Variants in TADA2B observed in about 807,000 individuals in gnomAD.
TADA2B encodes the protein transcriptional adaptor 2B, also known as transcriptional adapter 2-beta.
In TADA2B, 13 loss-of-function variants were observed where a neutral mutation model predicts 34.5. The observed-to-expected ratio is 0.38, with a 90% CI of 0.25 to 0.60. The LOEUF is 0.60. TADA2B is among the 20% of genes least tolerant of loss of function. The pLI is 0.65. For synonymous variants in TADA2B, 240 were observed against 243.4 expected (o/e 0.99, Z 0.13); for missense variants, 442 against 575.0 (o/e 0.77, Z 2.37).
chr4:7,057,894 A>G lies in TADA2B; in HGVS notation c.*2840A>G, dbSNP rs1000716781. 1 of 74,884 alleles carries G rather than the reference A, an allele frequency of 1.3e-5. No homozygotes were observed. The highest frequency in any genetic ancestry group is 3.3e-5 in the African/African-American group (1 of 30,582). The allele number at this position is 74,884 out of a possible 1,614,324, so 4.6% of individuals were successfully genotyped here. ...AACATCCCAAGAATGTATTAAAAACAGCAACCCTGCCTACCGTTTTGATGA... is the reference window on the plus strand; with the variant it reads ...AACATCCCAAGAATGTATTAAAAACGGCAACCCTGCCTACCGTTTTGATGA... On this transcript the variant is annotated 3_prime_UTR_variant, in exon 2 of 2. Coordinates refer to ENST00000310074, the MANE Select transcript of TADA2B (RefSeq NM_152293.3).
chr4:7,044,218 TCGACAGAAAGC>T (rs1723560686), intron 1 of TADA2B, among the ~76,000 whole-genome samples: 1 of 152,108 alleles, frequency 6.6e-6, no homozygotes, highest in Non-Finnish European at 1.5e-5. Context: ...GCCCACAGAC[TCGACAGAAAGC>T]GGTGGGAGCA....
chr4:7,056,258 C>G lies in TADA2B; in HGVS notation c.*1204C>G, dbSNP rs543988268. The G allele has an allele frequency of 2.0e-5, 3 of 152,782 alleles. No homozygotes were observed. Among genetic ancestry groups the G allele is most frequent in the African/African-American group, 7.2e-5 (3 of 41,582 alleles). 9.5% of individuals were successfully genotyped at this position (152,782 alleles called of 1,614,324 possible). On this transcript the variant is annotated 3_prime_UTR_variant, in exon 2 of 2. Transcript: ENST00000310074. The stretch of plus-strand genomic sequence containing the variant: ...AATGGCTTCTTCCCAGCCCTGCCTA[C>G]AAGTTTTTCTCTGGGGTCCTCTTTC...
In TADA2B at chr4:7,054,286, C is replaced by A. The variant is rs755363083; in HGVS notation, c.495C>A (p.Gly165=). The change falls in exon 2 of 2, where the codon GGC becomes GGA. Residue 165 remains glycine (G), a synonymous_variant. Transcript: ENST00000310074. ...CTGTGGCTGAGCAGCAGCAGCTGGGCTACATGCCGCTGCGGGATGATTACG... is the reference window on the plus strand; with the variant it reads ...CTGTGGCTGAGCAGCAGCAGCTGGGATACATGCCGCTGCGGGATGATTACG... ...DISVAEQQQL[G]YMPLRDDYEI... 40 of 1,612,988 alleles carry A rather than the reference C, an allele frequency of 2.5e-5. No homozygotes were observed. The highest frequency in any genetic ancestry group is 3.3e-5 in the Non-Finnish European group (39 of 1,179,774).
chr4:7,057,164 A>G lies in TADA2B; in HGVS notation c.*2110A>G, dbSNP rs1456812926. 1.3e-5 allele frequency: 2 copies of G among 152,260 alleles called. No individual in the cohort carries two copies. The highest frequency in any genetic ancestry group is 4.8e-5 in the African/African-American group (2 of 41,462). 9.4% of individuals were successfully genotyped at this position (152,260 alleles called of 1,614,324 possible). On this transcript the variant is annotated 3_prime_UTR_variant, in exon 2 of 2. Transcript: ENST00000310074. ...ACTATATTAAGCTTGAAGAAGCAGA[A>G]GATCCCTGTTAATGTGTATGGCCCA...
At chr4:7,043,877 C>T in intron 1 of TADA2B, 28 bp downstream of exon 1, 1 of 1,453,042 alleles carries the variant, frequency 6.9e-7, no homozygotes, top group Non-Finnish European at 9.1e-7. Flanking sequence ...GGCCGGGTCC[C>T]GGCTAGGGCA....
In TADA2B at chr4:7,057,842, A is replaced by G. The variant is rs1212078102; in HGVS notation, c.*2788A>G. ...AAAAAAAGTTGGATAACTCATCTAT[A>G]TTTGAAATAATGCTGTCTGAATGGC... On this transcript the variant is annotated 3_prime_UTR_variant, in exon 2 of 2. Coordinates refer to ENST00000310074, the MANE Select transcript of TADA2B (RefSeq NM_152293.3). 1.3e-5 allele frequency: 2 copies of G among 152,150 alleles called. No homozygotes were observed. Among genetic ancestry groups the G allele is most frequent in the African/African-American group, 4.8e-5 (2 of 41,424 alleles). The allele number at this position is 152,150 out of a possible 1,614,324, so 9.4% of individuals were successfully genotyped here.
intron 1 of TADA2B, among the ~76,000 whole-genome samples, chr4:7,052,122 T>C (rs1210233511): frequency 6.6e-6 from 1 of 152,234 alleles, no homozygotes; most frequent in Non-Finnish European, 1.5e-5. Context: ...TCCTGGAAAC[T>C]GGCCTCTTGA....
At position 7,043,406 on chromosome 4, in the gene TADA2B, C is replaced by T; in HGVS notation, c.-174C>T. On this transcript the variant is annotated 5_prime_UTR_variant, in exon 1 of 2. Transcript: ENST00000310074. The stretch of plus-strand genomic sequence containing the variant: ...CTGCGTACTGAGGGGGGACGCGGCC[C>T]GGCTGGCTGGCTCTGGCGGCGGCTG... The T allele has an allele frequency of 2.3e-5, 4 of 174,640 alleles. No individual in the cohort carries two copies. Among genetic ancestry groups the T allele is most frequent in the Non-Finnish European group, 4.3e-5 (4 of 92,518 alleles). 10.8% of individuals were successfully genotyped at this position (174,640 alleles called of 1,614,324 possible).
chr4:7,053,949 G>A, intron 1 of TADA2B, 113 bp from the exon 2 acceptor site: 1 of 1,250,730 alleles, frequency 8.0e-7, no homozygotes, highest in Non-Finnish European at 1.1e-6. Flanking sequence ...GTGGGTAACG[G>A]TGCTGTAGGA....
intron 1 of TADA2B, chr4:7,052,987 AG>A (rs1239173706): frequency 6.6e-6 from 1 of 152,266 alleles, no homozygotes; most frequent in African/African-American, 2.4e-5. Context: ...CCTGGAGCCC[AG>A]AACACTTCTC....
chr4:7,055,064 G>A lies in TADA2B; in HGVS notation c.*10G>A. On this transcript the variant is annotated 3_prime_UTR_variant, in exon 2 of 2. Transcript: ENST00000310074. The stretch of plus-strand genomic sequence containing the variant: ...CAGGGACGCGTCTTGAAGCTGAGAC[G>A]CTTTGAAAGCCAGGGTGATGCTCAG... 2.5e-6 allele frequency: 4 copies of A among 1,597,074 alleles called. No homozygotes were observed. The highest frequency in any genetic ancestry group is 2.2e-5 in the East Asian group (1 of 44,704).
intron 1 of TADA2B, among the ~76,000 whole-genome samples, chr4:7,049,806 C>A (rs945865787): frequency 6.6e-6 from 1 of 152,248 alleles, no homozygotes; most frequent in Non-Finnish European, 1.5e-5. Flanking sequence ...ACCGCATGGC[C>A]GTGACTGAGT....
At position 7,055,164 on chromosome 4, in the gene TADA2B, T is replaced by C; in HGVS notation, c.*110T>C. Reference sequence around the variant, plus strand: ...GTTGCTCTTTTTTAAACAAATTGAGTTCCTTTTTTTAAGATAGAAATTCTT... The same window carrying C: ...GTTGCTCTTTTTTAAACAAATTGAGCTCCTTTTTTTAAGATAGAAATTCTT... On this transcript the variant is annotated 3_prime_UTR_variant, in exon 2 of 2. Transcript: ENST00000310074. 8.8e-7 allele frequency: 1 copy of C among 1,139,078 alleles called. No homozygotes were observed. The highest frequency in any genetic ancestry group is 1.7e-5 in the South Asian group (1 of 58,680). The allele number at this position is 1,139,078 out of a possible 1,614,324, so 70.6% of individuals were successfully genotyped here.
intron 1 of TADA2B, among the ~76,000 whole-genome samples, chr4:7,049,361 C>T (rs78260541): frequency 0.015 from 2,343 of 152,342 alleles, 68 homozygotes; most frequent in African/African-American, 0.053. Context: ...TTAGGCTAAG[C>T]CTGGCCTTGT....
intron 1 of TADA2B, among the ~76,000 whole-genome samples, chr4:7,050,430 C>T (rs1308592365): frequency 1.3e-5 from 2 of 152,246 alleles, no homozygotes; most frequent in Non-Finnish European, 2.9e-5. Context: ...TTTGAGACTT[C>T]TTCATTTGGA....
chr4:7,046,459 T>C (rs1401402345), intron 1 of TADA2B, among the ~76,000 whole-genome samples: 4 of 152,216 alleles, frequency 2.6e-5, no homozygotes, highest in Non-Finnish European at 5.9e-5. Flanking sequence ...GAACAGCAGC[T>C]GTAAGAAACT....
In TADA2B at chr4:7,043,498, G is replaced by A; in HGVS notation, c.-82G>A. 2 of 889,138 alleles carry A rather than the reference G, an allele frequency of 2.2e-6. No individual in the cohort carries two copies. Among genetic ancestry groups the A allele is most frequent in the East Asian group, 1.2e-4 (1 of 8,188 alleles). The allele number at this position is 889,138 out of a possible 1,614,324, so 55.1% of individuals were successfully genotyped here. The stretch of plus-strand genomic sequence containing the variant: ...GTTGCTCGTGCGCGGCGGCGGCGGC[G>A]GGTCCCGCGGGCGGCGGGGCGCTGA... On this transcript the variant is annotated 5_prime_UTR_variant, in exon 1 of 2. Coordinates refer to ENST00000310074, the MANE Select transcript of TADA2B (RefSeq NM_152293.3).
chr4:7,049,576 G>T (rs1387318959), intron 1 of TADA2B, among the ~76,000 whole-genome samples: 1 of 152,240 alleles, frequency 6.6e-6, no homozygotes, highest in Non-Finnish European at 1.5e-5. Context: ...TGGGGGCAGT[G>T]GCCAGGGACA....
rs757159873 is a variant in TADA2B, at chr4:7,054,248, C to G, written c.457C>G (p.Pro153Ala). 17 of 1,610,732 alleles carry G rather than the reference C, an allele frequency of 1.1e-5. No homozygotes were observed. The African/African-American group carries it at 1.3e-4, about 13-fold the overall frequency. The change falls in exon 2 of 2, where the codon CCG becomes GCG. Residue 153 changes from proline to alanine, a missense_variant. Pro to Ala is a conservative substitution (Grantham distance 27). Coordinates refer to ENST00000310074, the MANE Select transcript of TADA2B (RefSeq NM_152293.3). ...ACCCAGCCTCACCACCCCGCTGCCC[C>G]CGCTGGACATCTCTGTGGCTGAGCA... ...LSPSLTTPLP[P>A]LDISVAEQQQ... is the part of the protein sequence containing the mutation.
Sources: gnomAD v4.1 joint callset for allele counts (sites outside exome capture counted in the v4.1 genomes callset) on GRCh38, gnomAD v4.1.1 for gene constraint, MANE v1.5 for transcripts, NCBI Gene and HGNC (gene_info 2026-07-23, HGNC 2026-07-21) for gene names.